The following PCDH15 variants were observed in gnomAD, a reference collection of about 807,000 sequenced individuals.
PCDH15 encodes protocadherin related 15.
A neutral mutation model predicts 178.5 loss-of-function variants in PCDH15; 129 were observed. The ratio of observed to expected loss-of-function variants is 0.72; its 90% CI spans 0.63 to 0.84. The LOEUF is 0.84. Ranked by LOEUF, PCDH15 falls within the 40% of genes least tolerant of loss-of-function variation. The pLI, the probability that PCDH15 is intolerant of heterozygous loss-of-function variation, is 0.00. For missense variants in PCDH15, 2,230 were observed against 2,099.9 expected (o/e 1.06, Z -1.21); for synonymous variants, 800 against 732.0 (o/e 1.09, Z -1.50).
chr10:53,935,838 A>C (rs556299972), intron 25 of PCDH15, among the ~76,000 whole-genome samples: 1 of 152,242 alleles, frequency 6.6e-6, no homozygotes, highest in African/African-American at 2.4e-5. Flanking sequence ...CTTTATAAAA[A>C]TATTTTGGCT....
chr10:54,113,517 C>T (rs913785498), intron 15 of PCDH15, among the ~76,000 whole-genome samples: 3 of 151,942 alleles, frequency 2.0e-5, no homozygotes, highest in Non-Finnish European at 4.4e-5. Context: ...TAATTTGTAC[C>T]GTGTCCTCAT....
chr10:53,843,041 A>G (rs565092992), intron 28 of PCDH15, among the ~76,000 whole-genome samples: 10 of 152,330 alleles, frequency 6.6e-5, no homozygotes, highest in African/African-American at 2.4e-4. Context: ...CACTAAAAAA[A>G]ATAGATGTGG....
intron 13 of PCDH15, among the ~76,000 whole-genome samples, chr10:54,167,118 C>A (rs942406064): frequency 6.6e-6 from 1 of 152,164 alleles, no homozygotes; most frequent in African/African-American, 2.4e-5. Flanking sequence ...TTCACATGGA[C>A]GCGCATGAAA....
chr10:54,278,149 AT>A (rs1202724350), intron 8 of PCDH15, among the ~76,000 whole-genome samples: 5 of 151,640 alleles, frequency 3.3e-5, no homozygotes, highest in Non-Finnish European at 5.9e-5. Flanking sequence ...CTTGATGTAA[AT>A]TTTTTTATGT....
chr10:54,753,977 T>A (rs75820884), intron 1 of PCDH15, among the ~76,000 whole-genome samples: 1 of 37,548 alleles, frequency 2.7e-5, no homozygotes, highest in African/African-American at 8.8e-5. Context: ...GCCGGCTGAT[T>A]TTTTTTTTTT....
chr10:55,404,618 G>T (rs1436878591), intron 2 of PCDH15, among the ~76,000 whole-genome samples: 5 of 151,812 alleles, frequency 3.3e-5, no homozygotes, highest in Non-Finnish European at 7.4e-5. Context: ...GAAGATAGCT[G>T]GGGATATTGT....
intron 3 of PCDH15, among the ~76,000 whole-genome samples, chr10:54,876,930 T>A (rs1354041844): frequency 6.6e-6 from 1 of 152,148 alleles, no homozygotes; most frequent in Non-Finnish European, 1.5e-5. Context: ...TAAAATGCTA[T>A]CAAACAGCAT....
intron 2 of PCDH15, among the ~76,000 whole-genome samples, chr10:54,581,838 G>A (rs558724116): frequency 6.6e-6 from 1 of 151,962 alleles, no homozygotes; most frequent in African/African-American, 2.4e-5. Context: ...TCAATATATG[G>A]TACTCAAAAA....
chr10:55,463,105 A>C (rs1215105618), intron 2 of PCDH15, among the ~76,000 whole-genome samples: 1 of 151,810 alleles, frequency 6.6e-6, no homozygotes, highest in African/African-American at 2.4e-5. Context: ...AGAGAAAAAA[A>C]AAAAAACAAA....
At chr10:54,887,836 AATG>A (rs1209103073) in intron 3 of PCDH15, among the ~76,000 whole-genome samples, 1 of 152,110 alleles carries the variant, frequency 6.6e-6, no homozygotes, top group Non-Finnish European at 1.5e-5. Flanking sequence ...TTCCAGACAA[AATG>A]ATAACTTATT....
intron 8 of PCDH15, among the ~76,000 whole-genome samples, chr10:54,300,836 C>A (rs1437440116): frequency 6.6e-6 from 1 of 152,170 alleles, no homozygotes; most frequent in Admixed American, 6.5e-5. Flanking sequence ...ATGGACCAAT[C>A]AGCAGGATGT....
chr10:55,397,309 C>T (rs1361235962), intron 2 of PCDH15, among the ~76,000 whole-genome samples: 1 of 152,120 alleles, frequency 6.6e-6, no homozygotes, highest in Non-Finnish European at 1.5e-5. Flanking sequence ...AATTTTTGCA[C>T]TTATGTTCAA....
intron 8 of PCDH15, among the ~76,000 whole-genome samples, chr10:54,310,961 C>A (rs915999063): frequency 6.6e-6 from 1 of 151,946 alleles, no homozygotes; most frequent in Non-Finnish European, 1.5e-5. Flanking sequence ...GAGGCTATGC[C>A]AAGAAGAAAT....
intron 1 of PCDH15, among the ~76,000 whole-genome samples, chr10:54,678,789 T>C (rs184759022): frequency 6.6e-6 from 1 of 152,270 alleles, no homozygotes; most frequent in Admixed American, 6.5e-5. Context: ...AACATCTATA[T>C]ATGGCAGGAA....
At chr10:55,097,475 T>G (rs1842472990) in intron 2 of PCDH15, among the ~76,000 whole-genome samples, 2 of 152,254 alleles carry the variant, frequency 1.3e-5, no homozygotes, top group Middle Eastern at 3.4e-3. Context: ...ACAAGAGATG[T>G]CCCAACTTCT....
chr10:53,962,887 T>G (rs1396849628), intron 21 of PCDH15, among the ~76,000 whole-genome samples: 1 of 152,190 alleles, frequency 6.6e-6, no homozygotes, highest in Non-Finnish European at 1.5e-5. Context: ...CACTGTAACA[T>G]TTACAGTGCT....
intron 2 of PCDH15, among the ~76,000 whole-genome samples, chr10:54,643,076 G>C (rs1207832829): frequency 9.2e-5 from 14 of 151,938 alleles, no homozygotes; most frequent in Admixed American, 3.9e-4. Context: ...GTGCCTGCCA[G>C]CACGCCCAGC....
chr10:54,478,304 G>C (rs2078431614), intron 3 of PCDH15, among the ~76,000 whole-genome samples: 1 of 151,948 alleles, frequency 6.6e-6, no homozygotes, highest in Non-Finnish European at 1.5e-5. Context: ...AAAAGTAACA[G>C]GTTTACAGAG....
At chr10:53,826,416 A>AT (rs138076021) in intron 32 of PCDH15, among the ~76,000 whole-genome samples, 5,704 of 152,060 alleles carry the variant, frequency 0.038, 361 homozygotes, top group African/African-American at 0.13. Context: ...CAATTTCATG[A>AT]TTTTTTAGGC....
Sources: allele counts gnomAD v4.1 joint callset (sites outside exome capture counted in the v4.1 genomes callset), GRCh38; gene constraint gnomAD v4.1.1; transcripts MANE v1.5; gene names NCBI Gene and HGNC (gene_info 2026-07-23, HGNC 2026-07-21).